The following DKK3 variants were observed in gnomAD, a reference collection of about 807,000 sequenced individuals.
DKK3 encodes the protein dickkopf-related protein 3.
In DKK3, 22 loss-of-function variants were observed where a neutral mutation model predicts 33.2. That is an observed-to-expected ratio of 0.66 (90% CI 0.47 to 0.95). The LOEUF (loss-of-function observed/expected upper bound fraction) is 0.95, where lower values mean the gene tolerates loss of function less well. DKK3 is among the 40% of genes least tolerant of loss of function. The pLI, the probability that DKK3 is intolerant of heterozygous loss-of-function variation, is 0.00. For missense variants in DKK3, 398 were observed against 458.4 expected (o/e 0.87, Z 1.20); for synonymous variants, 194 against 188.8 (o/e 1.03, Z -0.23).
rs1848449313 is a variant in DKK3 at position 12,002,394 on chromosome 11, T to C, written c.257A>G (p.Asn86Ser). ...EAAAKASSEV[N>S]LANLPPSYHN... ...ATAGCTGGGAGGTAAGTTTGCCAGGTTCACTTCTGATGATGCTTTAGCAGC... is the reference window on the plus strand; with the variant it reads ...ATAGCTGGGAGGTAAGTTTGCCAGGCTCACTTCTGATGATGCTTTAGCAGC... The change falls in exon 2 of 7, where the codon AAC becomes AGC. Residue 86 changes from asparagine (N) to serine (S), a missense_variant. Transcript: ENST00000683431. The C allele has an allele frequency of 3.7e-6, 6 of 1,614,128 alleles. No individual in the cohort carries two copies. The highest frequency in any genetic ancestry group is 5.1e-6 in the Non-Finnish European group (6 of 1,180,012).
In DKK3 at chr11:12,008,292, G is replaced by A. The variant is rs1848579992; in HGVS notation, c.213+78C>T. 1.3e-6 allele frequency: 2 copies of A among 1,492,490 alleles called. No homozygotes were observed. The highest frequency in any genetic ancestry group is 2.2e-4 in the Middle Eastern group (1 of 4,590). The allele number at this position is 1,492,490 out of a possible 1,614,324, so 92.5% of individuals were successfully genotyped here. On this transcript the variant is annotated intron_variant, in intron 1 of 6. Transcript: ENST00000683431. The surrounding 1 kb of genome is among the most constrained non-coding windows in gnomAD (Gnocchi z 4.6). ...GCGGGACCCGAGGTCCCTGGCCAGC[G>A]CTCTTCCATGCCTTCCCAGACTTCG...
intron 3 of DKK3, among the ~76,000 whole-genome samples, chr11:11,982,425 G>A (rs1847975305): frequency 6.6e-6 from 1 of 152,144 alleles, no homozygotes; most frequent in Non-Finnish European, 1.5e-5. Flanking sequence ...AGCCTCTCCA[G>A]ACACTCAGCT....
chr11:12,006,608 G>A (rs1848541048), intron 1 of DKK3, among the ~76,000 whole-genome samples: 1 of 152,154 alleles, frequency 6.6e-6, no homozygotes, highest in South Asian at 2.1e-4. Context: ...CCTACACAGA[G>A]CCACATCTAG....
chr11:11,982,970 G>A (rs940663240), intron 3 of DKK3, among the ~76,000 whole-genome samples: 1 of 152,254 alleles, frequency 6.6e-6, no homozygotes, highest in Non-Finnish European at 1.5e-5. Context: ...TGATGCAGGG[G>A]ATGAGGGCTA....
At chr11:11,975,258 C>G (rs927831796) in intron 3 of DKK3, among the ~76,000 whole-genome samples, 21 of 152,202 alleles carry the variant, frequency 1.4e-4, no homozygotes, top group Non-Finnish European at 2.8e-4. Flanking sequence ...TGTTCCTAAG[C>G]CTTCAGCATC....
chr11:12,008,818 C>T (rs1257812137), upstream of DKK3: 3 of 1,174,456 alleles, frequency 2.6e-6, no homozygotes, highest in Non-Finnish European at 3.2e-6. This position sits in a 1 kb window ranked among gnomAD's most constrained non-coding sequence, Gnocchi z 4.6. Flanking sequence ...CCCCGATCGC[C>T]CCAGGACCCC....
chr11:11,973,349 A>T (rs1847764667), intron 3 of DKK3, among the ~76,000 whole-genome samples: 1 of 152,028 alleles, frequency 6.6e-6, no homozygotes, highest in South Asian at 2.1e-4. Flanking sequence ...TTCAGTCACA[A>T]CTTAGTAGCA....
intron 2 of DKK3, among the ~76,000 whole-genome samples, chr11:12,001,047 T>C (rs898001569): frequency 1.6e-4 from 25 of 152,212 alleles, no homozygotes; most frequent in Non-Finnish European, 5.9e-5. Flanking sequence ...ATTTAAGTAA[T>C]TTTTCAAAAA....
At chr11:11,982,619 G>A (rs16910281) in intron 3 of DKK3, among the ~76,000 whole-genome samples, 9,002 of 152,254 alleles carry the variant, frequency 0.059, 622 homozygotes, top group Admixed American at 0.2. Flanking sequence ...GTGTTCAGCC[G>A]TGGAGGGTAG....
chr11:11,976,255 A>G lies in DKK3; in HGVS notation c.436-7768T>C, dbSNP rs796400756. Among the ~76,000 whole-genome samples, 3 of 152,370 alleles carry G rather than the reference A, an allele frequency of 2.0e-5. No individual in the cohort carries two copies. The South Asian group carries it at 6.2e-4, about 32-fold the overall frequency. Reference sequence around the variant, plus strand: ...CTAGAGCCCTCTGCTCTGGAGGGGAAGACAAGAAGAAGGAGGACAGTTGCA... The same window carrying G: ...CTAGAGCCCTCTGCTCTGGAGGGGAGGACAAGAAGAAGGAGGACAGTTGCA... On this transcript the variant is annotated intron_variant, in intron 3 of 6. Transcript: ENST00000683431.
intron 3 of DKK3, among the ~76,000 whole-genome samples, chr11:11,996,614 C>T (rs975690519): frequency 1.3e-5 from 2 of 152,200 alleles, no homozygotes. Flanking sequence ...CCCCGGTCTC[C>T]CTTCTAGTTA....
chr11:12,009,733 T>C, upstream of DKK3: 3 of 985,634 alleles, frequency 3.0e-6, no homozygotes, highest in Non-Finnish European at 3.6e-6. Context: ...GGCCTTAGTC[T>C]GCCGTGATTG....
Position 11,963,915 on chromosome 11 carries a change from G to C in DKK3, c.*549C>G, listed in dbSNP as rs1847517331. On this transcript the variant is annotated 3_prime_UTR_variant, in exon 7 of 7. Coordinates refer to ENST00000683431, the MANE Select transcript of DKK3 (RefSeq NM_001018057.2). ...AAATGCTGCCCTGGCACAGAGGTAG[G>C]AGCTGAGCAACACTGCTGGATGAAT... 1 of 154,078 alleles carries C rather than the reference G, an allele frequency of 6.5e-6. No individual in the cohort carries two copies. Among genetic ancestry groups the C allele is most frequent in the African/African-American group, 2.4e-5 (1 of 41,450 alleles). 9.5% of individuals were successfully genotyped at this position (154,078 alleles called of 1,614,324 possible).
At position 11,963,611 on chromosome 11, in the gene DKK3, T is replaced by C. The variant is rs1162671925; in HGVS notation, c.*853A>G. On this transcript the variant is annotated 3_prime_UTR_variant, in exon 7 of 7. Transcript: ENST00000683431. ...GTTTACTTTTAGAGGGATGTGAGAA[T>C]TAGTTTGACCTTAATTCCAGATGTG... 2.0e-5 allele frequency: 3 copies of C among 152,230 alleles called. No homozygotes were observed. The highest frequency in any genetic ancestry group is 7.2e-5 in the African/African-American group (3 of 41,448). The allele number at this position is 152,230 out of a possible 1,614,324, so 9.4% of individuals were successfully genotyped here.
chr11:12,000,603 C>T (rs529242065), intron 2 of DKK3, among the ~76,000 whole-genome samples: 249 of 151,760 alleles, frequency 1.6e-3, no homozygotes, highest in Non-Finnish European at 2.9e-3. Flanking sequence ...CTTCCAGGTT[C>T]AAGTGATTCT....
At chr11:11,994,253 C>G (rs937530699) in intron 3 of DKK3, among the ~76,000 whole-genome samples, 8 of 152,030 alleles carry the variant, frequency 5.3e-5, no homozygotes, top group African/African-American at 1.9e-4. Flanking sequence ...GAACCTCACA[C>G]AAAGAGCCTT....
intron 3 of DKK3, among the ~76,000 whole-genome samples, chr11:11,984,340 A>T (rs1329050197): frequency 1.3e-5 from 2 of 152,234 alleles, no homozygotes; most frequent in Non-Finnish European, 2.9e-5. Flanking sequence ...AACTCTCTTC[A>T]TCTCTAAGTG....
intron 3 of DKK3, among the ~76,000 whole-genome samples, chr11:11,977,606 G>T (rs185749265): frequency 6.6e-6 from 1 of 152,186 alleles, no homozygotes; most frequent in South Asian, 2.1e-4. Flanking sequence ...CTTCTCCGGG[G>T]ACTTAGGGTC....
chr11:11,990,634 C>G (rs1043488493), intron 3 of DKK3, among the ~76,000 whole-genome samples: 1 of 152,210 alleles, frequency 6.6e-6, no homozygotes, highest in Non-Finnish European at 1.5e-5. Flanking sequence ...CTTGGCATGG[C>G]TCTCAAAGGC....
Sources: gnomAD v4.1 joint callset for allele counts (sites outside exome capture counted in the v4.1 genomes callset) on GRCh38, gnomAD v4.1.1 for gene constraint, Gnocchi (gnomAD v3.1) non-coding constraint, MANE v1.5 for transcripts, NCBI Gene and HGNC (gene_info 2026-07-23, HGNC 2026-07-21) for gene names.